ZNF676: variants seen among roughly 807,000 people sequenced by gnomAD.
ZNF676 encodes the protein zinc finger protein 676.
Under a neutral mutation model 6.0 loss-of-function variants are expected in ZNF676, and 4 were observed. That is an observed-to-expected ratio of 0.67 (90% CI 0.33 to 1.53). The LOEUF (loss-of-function observed/expected upper bound fraction) is 1.53, where lower values mean the gene tolerates loss of function less well. Ranked by LOEUF, ZNF676 falls within the 40% of genes most tolerant of loss-of-function variation. The probability of loss-of-function intolerance (pLI) is 0.06; values close to 1 mark genes in which losing one functional copy is unlikely to be tolerated. For synonymous variants in ZNF676, 198 were observed against 223.1 expected, an observed-to-expected ratio of 0.89 and a Z score of 1.00; for missense variants, 644 against 679.7, an observed-to-expected ratio of 0.95 and a Z score of 0.58.
chr19:22,189,493 T>C (rs2023876756), intron 2 of ZNF676, among the ~76,000 whole-genome samples: 1 of 152,032 alleles, frequency 6.6e-6, no homozygotes, highest in Admixed American at 6.6e-5. Context: ...GCAAAAGCAA[T>C]GGCAATGAAA....
the ZNF676 span, among the ~76,000 whole-genome samples, chr19:22,230,386 A>T: frequency 0.37 from 55,478 of 151,578 alleles, 10,356 homozygotes; most frequent in African/African-American, 0.42. Context: ...ATTAGAAGAA[A>T]TACCTAATGT....
At chr19:22,193,855 TTAA>T (rs763878590) in intron 1 of ZNF676, among the ~76,000 whole-genome samples, 72 of 152,100 alleles carry the variant, frequency 4.7e-4, no homozygotes, top group Non-Finnish European at 9.6e-4. Context: ...GCTAGTGTGG[TTAA>T]TAATGGAGTG....
In ZNF676 at chr19:22,215,736, G is replaced by A. The variant is rs1484733315; in HGVS notation, c.-102C>T. 15 of 1,442,834 alleles carry A rather than the reference G, an allele frequency of 1.0e-5. No homozygotes were observed. The East Asian group carries it at 2.4e-4, about 23-fold the overall frequency. The allele number at this position is 1,442,834 out of a possible 1,614,324, so 89.4% of individuals were successfully genotyped here. A position where few individuals can be genotyped will look rare whatever the true frequency, so the allele number is the denominator to read the frequency against. Reference sequence around the variant, plus strand: ...GGGACTCTAGGAACAGTAAGGACAAGGCCTTTACCTCCGGCTGCAGCGAGA... The same window carrying A: ...GGGACTCTAGGAACAGTAAGGACAAAGCCTTTACCTCCGGCTGCAGCGAGA... On this transcript the variant is annotated 5_prime_UTR_variant, in exon 1 of 4. Transcript: ENST00000650058.
At chr19:22,238,907 C>A in the ZNF676 span, among the ~76,000 whole-genome samples, 5 of 152,152 alleles carry the variant, frequency 3.3e-5, no homozygotes, top group African/African-American at 1.2e-4. Context: ...TTAGATTGTG[C>A]CCATCCAGAT....
chr19:22,239,736 GTT>G, the ZNF676 span, among the ~76,000 whole-genome samples: 1 of 152,154 alleles, frequency 6.6e-6, no homozygotes, highest in African/African-American at 2.4e-5. Flanking sequence ...TGGGCTCAGA[GTT>G]ATGCCACAAT....
intron 1 of ZNF676, chr19:22,215,600 C>T (rs540293428): frequency 1.9e-6 from 3 of 1,609,728 alleles, no homozygotes; most frequent in Admixed American, 3.3e-5. Flanking sequence ...GCCCAGGCCA[C>T]TCTCTCAGTG....
At chr19:22,207,993 A>G (rs2024092970) in intron 1 of ZNF676, among the ~76,000 whole-genome samples, 1 of 151,492 alleles carries the variant, frequency 6.6e-6, no homozygotes, top group Non-Finnish European at 1.5e-5. Context: ...TAAAAAAAAA[A>G]AAAACAAAAA....
the ZNF676 span, among the ~76,000 whole-genome samples, chr19:22,222,920 T>A: frequency 1.3e-5 from 2 of 152,218 alleles, no homozygotes; most frequent in Non-Finnish European, 2.9e-5. Context: ...CATCAGGATG[T>A]GGATGAGGAT....
At chr19:22,246,733 G>A in the ZNF676 span, among the ~76,000 whole-genome samples, 1 of 152,208 alleles carries the variant, frequency 6.6e-6, no homozygotes, top group African/African-American at 2.4e-5. Context: ...CTAGACAGAA[G>A]CGTTACATCA....
chr19:22,234,447 C>T, the ZNF676 span, among the ~76,000 whole-genome samples: 1 of 152,184 alleles, frequency 6.6e-6, no homozygotes, highest in Admixed American at 6.5e-5. Flanking sequence ...TGATGGAATG[C>T]TGTTGTGCAT....
chr19:22,245,044 G>T, the ZNF676 span: 2 of 152,268 alleles, frequency 1.3e-5, no homozygotes, highest in East Asian at 1.9e-4. Context: ...AAGAGAGTCA[G>T]ATCTCTTAGG....
intron 1 of ZNF676, among the ~76,000 whole-genome samples, chr19:22,206,777 C>T (rs2024080421): frequency 6.6e-6 from 1 of 152,036 alleles, no homozygotes; most frequent in Non-Finnish European, 1.5e-5. Context: ...TTTGGGGATT[C>T]AAGGTTTGTT....
intron 1 of ZNF676, among the ~76,000 whole-genome samples, chr19:22,193,499 G>C (rs1027226933): frequency 2.0e-5 from 3 of 152,022 alleles, no homozygotes; most frequent in African/African-American, 7.2e-5. Context: ...TACTGCCGCT[G>C]TCTCCTTCTT....
chr19:22,236,840 T>C, the ZNF676 span, among the ~76,000 whole-genome samples: 3,510 of 152,334 alleles, frequency 0.023, 60 homozygotes, highest in Non-Finnish European at 0.036. Context: ...GAAGTCAGAC[T>C]ATTCTGATTG....
At chr19:22,238,546 A>T in the ZNF676 span, among the ~76,000 whole-genome samples, 13 of 152,330 alleles carry the variant, frequency 8.5e-5, no homozygotes, top group East Asian at 2.5e-3. Context: ...CCGAAACACC[A>T]GAATCAAAAA....
the ZNF676 span, among the ~76,000 whole-genome samples, chr19:22,246,651 G>A: frequency 6.6e-6 from 1 of 152,222 alleles, no homozygotes; most frequent in Non-Finnish European, 1.5e-5. Context: ...AATCTCCACT[G>A]TAGGAAGGTC....
the ZNF676 span, among the ~76,000 whole-genome samples, chr19:22,229,946 C>A: frequency 1.6e-4 from 24 of 152,228 alleles, no homozygotes; most frequent in Admixed American, 9.2e-4. Context: ...GTGACAATTC[C>A]TCAAGGATCT....
chr19:22,231,599 A>G, the ZNF676 span, among the ~76,000 whole-genome samples: 1 of 66,908 alleles, frequency 1.5e-5, no homozygotes, highest in Non-Finnish European at 2.8e-5. Context: ...CTTTAGCTGT[A>G]TCTTTATTTA....
At position 22,206,868 on chromosome 19, in the gene ZNF676, C is replaced by G. The variant is rs115044722; in HGVS notation, c.3+8764G>C. On this transcript the variant is annotated intron_variant, in intron 1 of 3. Coordinates refer to the ZNF676 transcript ENST00000650058. ...AATCACAAGATTATCTCAATAGATGCACAAAAAGCCTTCAATAAAATTTAA... is the reference window on the plus strand; with the variant it reads ...AATCACAAGATTATCTCAATAGATGGACAAAAAGCCTTCAATAAAATTTAA... 2.6e-3 allele frequency among the ~76,000 whole-genome samples: 398 copies of G among 152,176 alleles called. 1 individual carries two copies. The highest frequency in any genetic ancestry group is 8.6e-3 in the African/African-American group (359 of 41,512).
Sources: gnomAD v4.1 joint callset for allele counts (sites outside exome capture counted in the v4.1 genomes callset) on GRCh38, gnomAD v4.1.1 for gene constraint, MANE v1.5 for transcripts, NCBI Gene and HGNC (gene_info 2026-07-23, HGNC 2026-07-21) for gene names.